The following TRIM14 variants were observed in gnomAD, a reference collection of about 807,000 sequenced individuals.
The protein encoded by TRIM14 is tripartite motif containing 14, also known as tripartite motif-containing protein 14.
A neutral mutation model predicts 44.5 loss-of-function variants in TRIM14; 28 were observed. The observed-to-expected ratio is 0.63, with a 90% CI of 0.47 to 0.86. TRIM14 has a LOEUF of 0.86. TRIM14 is among the 40% of genes least tolerant of loss of function. TRIM14 has a pLI of 0.00. For synonymous variants in TRIM14, 299 were observed against 269.2 expected, an observed-to-expected ratio of 1.11 and a Z score of -1.08; for missense variants, 607 against 611.1, an observed-to-expected ratio of 0.99 and a Z score of 0.07.
At chr9:98,083,338 T>C (rs914872990), downstream of TRIM14, among the ~76,000 whole-genome samples, 2 of 152,182 alleles carry the variant, frequency 1.3e-5, no homozygotes, top group Admixed American at 1.3e-4. Context: ...CCAAACAAAG[T>C]CCATATCCTC....
At chr9:98,037,602 T>A in the TRIM14 span, among the ~76,000 whole-genome samples, 1 of 152,060 alleles carries the variant, frequency 6.6e-6, no homozygotes, top group African/African-American at 2.4e-5. Flanking sequence ...CAGAACATGA[T>A]CCTTTAGGGA....
At chr9:98,094,805 G>A (rs1166807026) in intron 4 of TRIM14, 62 bp downstream of exon 4, 31 of 1,548,768 alleles carry the variant, frequency 2.0e-5, no homozygotes, top group Middle Eastern at 1.7e-4. Flanking sequence ...CTTTGCATTC[G>A]TCTCTGGGCT....
At chr9:98,083,068 A>G (rs112502768), downstream of TRIM14, 1 of 1,611,152 alleles carries the variant, frequency 6.2e-7, no homozygotes. Context: ...ATAAAGTGCC[A>G]TTCTCTGAAT....
intron 6 of TRIM14, chr9:98,078,006 A>T: frequency 1.3e-6 from 1 of 750,040 alleles, no homozygotes; most frequent in Non-Finnish European, 2.1e-6. Flanking sequence ...AGGGGAGCCC[A>T]CCTTTCCTGT....
intron 1 of TRIM14, among the ~76,000 whole-genome samples, chr9:98,118,386 A>T (rs1403730304): frequency 6.6e-6 from 1 of 152,124 alleles, no homozygotes; most frequent in Non-Finnish European, 1.5e-5. Flanking sequence ...CTTGTGGCCT[A>T]TAAAATGGCT....
chr9:98,057,597 A>G, the TRIM14 span, among the ~76,000 whole-genome samples: 1 of 152,148 alleles, frequency 6.6e-6, no homozygotes, highest in Non-Finnish European at 1.5e-5. Context: ...TGGGGATCAA[A>G]TGAGATTCTC....
chr9:98,083,137 C>T (rs754639086), downstream of TRIM14: 183 of 1,363,434 alleles, frequency 1.3e-4, no homozygotes, highest in African/African-American at 1.9e-4. Context: ...GCAGGAATGG[C>T]GGTCTCCAGG....
chr9:98,062,777 GTTT>G, the TRIM14 span, among the ~76,000 whole-genome samples: 3 of 109,312 alleles, frequency 2.7e-5, no homozygotes, highest in African/African-American at 1.0e-4. Context: ...AGTTATTTCA[GTTT>G]TTTTTTTTTT....
chr9:98,048,975 A>G, the TRIM14 span, among the ~76,000 whole-genome samples: 2 of 151,596 alleles, frequency 1.3e-5, no homozygotes, highest in South Asian at 2.1e-4. Flanking sequence ...AGCCGAGATC[A>G]TGCCACTGCA....
Position 98,076,069 on chromosome 9 carries a change from T to A in TRIM14, c.*29-6382A>T, listed in dbSNP as rs150571593. 270 of 152,120 alleles carry A rather than the reference T, an allele frequency of 1.8e-3. 2 individuals are homozygous for A. The highest frequency in any genetic ancestry group is 6.2e-3 in the African/African-American group (259 of 41,520). 9.4% of individuals were successfully genotyped at this position (152,120 alleles called of 1,614,324 possible). ...TTATATCTGAAAAAAGTGACTGAGG[T>A]TCACTTTTAAGTAGGCAGCGTGCTT... On this transcript the variant is annotated intron_variant, in intron 6 of 6. Coordinates refer to the TRIM14 transcript ENST00000375098.
chr9:98,089,779 G>C (rs552403372), intron 5 of TRIM14, among the ~76,000 whole-genome samples: 1 of 152,248 alleles, frequency 6.6e-6, no homozygotes, highest in African/African-American at 2.4e-5. Context: ...CCATCTGCTT[G>C]CTCCTTCCCT....
chr9:98,088,098 A>C, intron 5 of TRIM14, 93 bp from the exon 6 acceptor site: 3 of 1,307,098 alleles, frequency 2.3e-6, no homozygotes, highest in Non-Finnish European at 3.0e-6. Flanking sequence ...CAAATCACAA[A>C]ATGCGAAGCG....
chr9:98,087,432 T>C lies in TRIM14; in HGVS notation c.*38A>G. 6.2e-7 allele frequency: 1 copy of C among 1,607,924 alleles called. No homozygotes were observed. Among genetic ancestry groups the C allele is most frequent in the Non-Finnish European group, 8.5e-7 (1 of 1,175,954 alleles). ...GGTAGATTAGGCGAGACTGGGCAGC[T>C]GCGGCGTACCTGGAGGCTGTCACGC... On this transcript the variant is annotated 3_prime_UTR_variant, in exon 6 of 6. Coordinates refer to ENST00000341469, the MANE Select transcript of TRIM14 (RefSeq NM_014788.4).
At chr9:98,080,954 AGT>A, downstream of TRIM14, 1 of 1,614,168 alleles carries the variant, frequency 6.2e-7, no homozygotes, top group South Asian at 1.1e-5. Context: ...CTGGAAGGGG[AGT>A]GACCACTCGG....
intron 6 of TRIM14, chr9:98,075,158 A>G (rs1799683607): frequency 6.6e-6 from 1 of 151,896 alleles, no homozygotes; most frequent in Non-Finnish European, 1.5e-5. Context: ...ATTAAAAAAA[A>G]AAAAAAATTA....
chr9:98,056,624 C>A, the TRIM14 span: 67 of 922,468 alleles, frequency 7.3e-5, no homozygotes, highest in Non-Finnish European at 9.8e-5. Context: ...CGCCCCCGCC[C>A]CCCGCCCCGA....
intron 1 of TRIM14, among the ~76,000 whole-genome samples, chr9:98,114,616 C>A (rs1587978812): frequency 2.0e-5 from 3 of 152,142 alleles, no homozygotes; most frequent in Non-Finnish European, 1.5e-5. Flanking sequence ...GCCACCGCAC[C>A]CAGCCGACAA....
At chr9:98,066,815 T>G (rs1210591594), downstream of TRIM14, among the ~76,000 whole-genome samples, 1 of 152,146 alleles carries the variant, frequency 6.6e-6, no homozygotes, top group Non-Finnish European at 1.5e-5. Flanking sequence ...CCTGCCCAGC[T>G]AATTTTTGTA....
chr9:98,114,230 A>T lies in TRIM14; in HGVS notation c.208-4246T>A, dbSNP rs545360930. Among the ~76,000 whole-genome samples, 222 of 152,370 alleles carry T rather than the reference A, an allele frequency of 1.5e-3. 10 individuals carry two copies. In the South Asian group the frequency reaches 0.044, roughly 30 times the overall value. On this transcript the variant is annotated intron_variant, in intron 1 of 5. Transcript: ENST00000341469. Reference sequence around the variant, plus strand: ...TGGTATATGTTATCAGTATATCATTATCATAATTATTATGATAAACTGGTG... The same window carrying T: ...TGGTATATGTTATCAGTATATCATTTTCATAATTATTATGATAAACTGGTG...
Sources: allele counts gnomAD v4.1 joint callset (sites outside exome capture counted in the v4.1 genomes callset), GRCh38; gene constraint gnomAD v4.1.1; transcripts MANE v1.5; gene names NCBI Gene and HGNC (gene_info 2026-07-23, HGNC 2026-07-21).